VEGFA: variants seen among roughly 807,000 people sequenced by gnomAD.
VEGFA encodes vascular endothelial growth factor A, also known as vascular endothelial growth factor A, long form.
Under a neutral mutation model 49.7 loss-of-function variants are expected in VEGFA, and 20 were observed. That is an observed-to-expected ratio of 0.40 (90% CI 0.28 to 0.58). VEGFA has a LOEUF of 0.58. VEGFA is among the 20% of genes least tolerant of loss of function. The pLI is 0.40. For synonymous variants in VEGFA, 219 were observed against 223.4 expected (o/e 0.98, Z 0.18); for missense variants, 505 against 553.5 (o/e 0.91, Z 0.88).
At chr6:43,774,129 T>A in intron 1 of VEGFA, 1 of 617,124 alleles carries the variant, frequency 1.6e-6, no homozygotes, top group South Asian at 1.8e-5. Context: ...AGTCTTTAAC[T>A]TCCTCGGGTT....
Position 43,770,728 on chromosome 6 carries a change from A to G in VEGFA, c.22A>G (p.Thr8Ala), listed in dbSNP as rs1763270366. 1 of 1,536,788 alleles carries G rather than the reference A, an allele frequency of 6.5e-7. No individual in the cohort carries two copies. Among genetic ancestry groups the G allele is most frequent in the Non-Finnish European group, 8.7e-7 (1 of 1,153,282 alleles). ...CGCGCTGACGGACAGACAGACAGAC[A>G]CCGCCCCCAGCCCCAGCTACCACCT... is the stretch of plus-strand genomic sequence containing the variant. The change falls in exon 1 of 8, where the codon ACC becomes GCC. Residue 8 changes from threonine to alanine, a missense_variant. By Grantham distance (58) the Thr-to-Ala change is moderately conservative. Around this residue, in one of 2 missense-constraint regions of VEGFA, gnomAD observed 340 missense variants for 321.8 expected, o/e 1.06. Coordinates refer to ENST00000672860, the MANE Select transcript of VEGFA (RefSeq NM_003376.6).
chr6:43,780,978 A>G, intron 6 of VEGFA, 175 bp downstream of exon 6: 1 of 1,515,876 alleles, frequency 6.6e-7, no homozygotes, highest in East Asian at 2.3e-5. Context: ...ACCAACGGGT[A>G]GATTTGGTGG....
Position 43,777,362 on chromosome 6 carries a change from C to G in VEGFA, c.659-107C>G. 7.6e-7 allele frequency: 1 copy of G among 1,309,114 alleles called. No individual in the cohort carries two copies. The highest frequency in any genetic ancestry group is 2.5e-4 in the Middle Eastern group (1 of 3,958). 81.1% of individuals were successfully genotyped at this position (1,309,114 alleles called of 1,614,324 possible). On this transcript the variant is annotated intron_variant, in intron 2 of 7. Coordinates refer to ENST00000672860, the MANE Select transcript of VEGFA (RefSeq NM_003376.6). This position sits in a 1 kb window ranked among gnomAD's most constrained non-coding sequence, Gnocchi z 4.3. The stretch of plus-strand genomic sequence containing the variant: ...TTACGTTAGATTTTGGAAGGACTTG[C>G]CTGATTCGGAAGCTCCAAAGAGTGG...
At chr6:43,779,966 T>G (rs561315310) in intron 5 of VEGFA, 5 of 288,034 alleles carry the variant, frequency 1.7e-5, no homozygotes, top group African/African-American at 1.1e-4. Flanking sequence ...CGGAAGAGTG[T>G]CTGGTGAGAT....
Position 43,780,680 on chromosome 6 carries a change from A to G in VEGFA, c.963-52A>G, listed in dbSNP as rs1336659139. ...CCCTGCCCACCTTACCACTTCTTTT[A>G]CTCCCCCCACCGCCCCCGCTCTCTC... On this transcript the variant is annotated intron_variant, in intron 5 of 7. Coordinates refer to ENST00000672860, the MANE Select transcript of VEGFA (RefSeq NM_003376.6). 19 of 1,535,616 alleles carry G rather than the reference A, an allele frequency of 1.2e-5. No individual in the cohort carries two copies. The East Asian group carries it at 4.7e-4, about 38-fold the overall frequency.
chr6:43,786,341 G>T lies in VEGFA; in HGVS notation c.*1779G>T, dbSNP rs778075982. 1.1e-5 allele frequency: 2 copies of T among 178,116 alleles called. No homozygotes were observed. Among genetic ancestry groups the T allele is most frequent in the Non-Finnish European group, 2.4e-5 (2 of 83,024 alleles). The allele number at this position is 178,116 out of a possible 1,614,324, so 11.0% of individuals were successfully genotyped here. The stretch of plus-strand genomic sequence containing the variant: ...TTATCCGTAATAATTGTGGGGAAAA[G>T]ATATTAACATCACGTCTTTGTCTCT... On this transcript the variant is annotated 3_prime_UTR_variant, in exon 8 of 8. Transcript: ENST00000672860.
At chr6:43,775,746 T>G (rs534153121) in intron 2 of VEGFA, 1 of 152,346 alleles carries the variant, frequency 6.6e-6, no homozygotes, top group Non-Finnish European at 1.5e-5. Flanking sequence ...TCACTCTTTT[T>G]GATGATGCTT....
In VEGFA at chr6:43,784,381, G is replaced by A. The variant is rs1769013628; in HGVS notation, c.1167-160G>A. Reference sequence around the variant, plus strand: ...AGGGCTGGGGCTGTTCTCATACTGGGGCTTTCTGCCCCAGGACCACACCTT... The same window carrying A: ...AGGGCTGGGGCTGTTCTCATACTGGAGCTTTCTGCCCCAGGACCACACCTT... On this transcript the variant is annotated intron_variant, in intron 7 of 7. Coordinates refer to ENST00000672860, the MANE Select transcript of VEGFA (RefSeq NM_003376.6). 4.2e-5 allele frequency: 32 copies of A among 766,338 alleles called. No homozygotes were observed. In the South Asian group the frequency reaches 4.5e-4, roughly 11 times the overall value. 47.5% of individuals were successfully genotyped at this position (766,338 alleles called of 1,614,324 possible). A position where few individuals can be genotyped will look rare whatever the true frequency, so the allele number is the denominator to read the frequency against.
At chr6:43,778,139 G>A in intron 3 of VEGFA, 1 of 504,656 alleles carries the variant, frequency 2.0e-6, no homozygotes, top group Non-Finnish European at 3.6e-6. Context: ...TAGGAGTCAG[G>A]GTGAAGCCTA....
chr6:43,780,210 C>A, intron 5 of VEGFA: 1 of 217,732 alleles, frequency 4.6e-6, no homozygotes, highest in South Asian at 7.2e-5. Context: ...GAGGTTCTGT[C>A]GCAGTTGCAA....
chr6:43,781,780 T>C, intron 6 of VEGFA, 176 bp from the exon 7 acceptor site: 1 of 799,604 alleles, frequency 1.3e-6, no homozygotes, highest in Non-Finnish European at 2.0e-6. Flanking sequence ...GTGCTGCCTC[T>C]TTCCGCCGCT....
At chr6:43,778,948 C>T in intron 5 of VEGFA, 30 bp downstream of exon 5, 4 of 1,614,136 alleles carry the variant, frequency 2.5e-6, no homozygotes, top group African/African-American at 2.7e-5. Flanking sequence ...GCACTTCTCC[C>T]TCTCCATGGC....
intron 4 of VEGFA, 53 bp from the exon 5 acceptor site, chr6:43,778,836 A>G (rs2128035188): frequency 1.3e-6 from 2 of 1,595,554 alleles, no homozygotes; most frequent in South Asian, 2.2e-5. Context: ...CATTATCATC[A>G]CCATCTTAAC....
chr6:43,778,032 G>A, intron 3 of VEGFA: 1 of 438,136 alleles, frequency 2.3e-6, no homozygotes, highest in East Asian at 4.4e-5. Flanking sequence ...AGTTTAAAAA[G>A]TCTTTTGGTG....
Position 43,774,382 on chromosome 6 carries a change from T to A in VEGFA, c.648T>A (p.Asn216Lys). 6.2e-7 allele frequency: 1 copy of A among 1,614,202 alleles called. No individual in the cohort carries two copies. Among genetic ancestry groups the A allele is most frequent in the Non-Finnish European group, 8.5e-7 (1 of 1,180,028 alleles). The change falls in exon 2 of 8, where the codon AAT becomes AAA. Residue 216 changes from asparagine to lysine, a missense_variant. Around this residue, in one of 2 missense-constraint regions of VEGFA, gnomAD observed 340 missense variants for 321.8 expected, o/e 1.06. Transcript: ENST00000672860. ...CCATGGCAGAAGGAGGAGGGCAGAA[T>A]CATCACGAAGGTGAGTCCCCCTGGC...
At chr6:43,779,792 C>T (rs560349606) in intron 5 of VEGFA, 5 of 450,638 alleles carry the variant, frequency 1.1e-5, no homozygotes, top group East Asian at 7.0e-5. Context: ...CCCTTCTCCC[C>T]CTCCTTTCTT....
chr6:43,778,615 C>T, intron 4 of VEGFA, 79 bp downstream of exon 4: 1 of 1,455,402 alleles, frequency 6.9e-7, no homozygotes, highest in Non-Finnish European at 9.6e-7. Context: ...GCATGCTGTA[C>T]TTTTTGGCCC....
rs1287276985 is a variant in VEGFA at position 43,782,020 on chromosome 6, T to C, written c.1099T>C (p.Cys367Arg). 1 of 1,614,106 alleles carries C rather than the reference T, an allele frequency of 6.2e-7. No homozygotes were observed. Reference sequence around the variant, plus strand: ...TGTACAAGATCCGCAGACGTGTAAATGTTCCTGCAAAAACACAGACTCGCG... The same window carrying C: ...TGTACAAGATCCGCAGACGTGTAAACGTTCCTGCAAAAACACAGACTCGCG... The change falls in exon 7 of 8, where the codon TGT becomes CGT. Residue 367 changes from cysteine to arginine, a missense_variant. Cys to Arg is a radical substitution (Grantham distance 180). Coordinates refer to ENST00000672860, the MANE Select transcript of VEGFA (RefSeq NM_003376.6).
Position 43,784,766 on chromosome 6 carries a change from C to T in VEGFA, c.*204C>T, listed in dbSNP as rs149179279. ...ACTTTGGGTCCGGAGGGCGAGACTC[C>T]GGCGGAAGCATTCCCGGGCGGGTGA... On this transcript the variant is annotated 3_prime_UTR_variant, in exon 8 of 8. Transcript: ENST00000672860. The T allele has an allele frequency of 1.3e-5, 12 of 904,786 alleles. No individual in the cohort carries two copies. Among genetic ancestry groups the T allele is most frequent in the African/African-American group, 1.2e-4 (7 of 60,634 alleles). The allele number at this position is 904,786 out of a possible 1,614,324, so 56.0% of individuals were successfully genotyped here.
Sources: gnomAD v4.1 joint callset for allele counts on GRCh38, gnomAD v4.1.1 for gene constraint, gnomAD v4.1.1 regional missense constraint, Gnocchi (gnomAD v3.1) non-coding constraint, MANE v1.5 for transcripts, NCBI Gene and HGNC (gene_info 2026-07-23, HGNC 2026-07-21) for gene names.